The following RAF1 variants were observed in gnomAD, a reference collection of about 807,000 sequenced individuals.
The protein encoded by RAF1 is RAF proto-oncogene serine/threonine-protein kinase.
RAF1 carries 27 observed loss-of-function variants against 81.1 expected under a neutral mutation model. The observed-to-expected ratio is 0.33, with a 90% CI of 0.25 to 0.46. The LOEUF is 0.46. Among genes scored for constraint, RAF1 ranks in the 20% least tolerant of loss-of-function variants. The pLI is 1.00. For missense variants in RAF1, 598 were observed against 826.0 expected (o/e 0.72, Z 3.38); for synonymous variants, 298 against 294.0 (o/e 1.01, Z -0.14).
chr3:12,635,279 ACT>A (rs2059982435), intron 1 of RAF1, among the ~76,000 whole-genome samples: 1 of 126,938 alleles, frequency 7.9e-6, no homozygotes, highest in African/African-American at 3.0e-5. Flanking sequence ...GGATCTTGCC[ACT>A]GTACTCCAGC....
intron 1 of RAF1, among the ~76,000 whole-genome samples, chr3:12,643,304 A>G (rs997196442): frequency 6.6e-6 from 1 of 152,118 alleles, no homozygotes; most frequent in African/African-American, 2.4e-5. Context: ...TCATATCTCA[A>G]TCTACACAAA....
At chr3:12,622,626 G>C (rs1015332364) in intron 1 of RAF1, among the ~76,000 whole-genome samples, 1 of 152,128 alleles carries the variant, frequency 6.6e-6, no homozygotes, top group African/African-American at 2.4e-5. Context: ...TTCATTTTCT[G>C]CATGGTACTT....
intron 1 of RAF1, among the ~76,000 whole-genome samples, chr3:12,635,402 C>G (rs963829767): frequency 7.5e-5 from 11 of 147,576 alleles, no homozygotes; most frequent in African/African-American, 2.7e-4. Flanking sequence ...TTCAGGAGGC[C>G]GAGGTGGGCG....
chr3:12,590,938 C>A lies in RAF1; in HGVS notation c.1290G>T (p.Gly430=). The change falls in exon 13 of 18, where the codon GGG becomes GGT. Residue 430 remains glycine, a synonymous_variant. Coordinates refer to ENST00000442415, the MANE Select transcript of RAF1 (RefSeq NM_001354689.3). ...TTGCCAGGTTGTCCTTTGTCATGTA[C>A]CCCATGAAAAGCAGAATGTTCACAT... The A allele has an allele frequency of 6.2e-7, 1 of 1,612,850 alleles. No individual in the cohort carries two copies. Among genetic ancestry groups the A allele is most frequent in the Non-Finnish European group, 8.5e-7 (1 of 1,178,966 alleles).
At chr3:12,656,688 T>C (rs73132366) in intron 1 of RAF1, among the ~76,000 whole-genome samples, 1,571 of 152,214 alleles carry the variant, frequency 0.01, 21 homozygotes, top group African/African-American at 0.036. Context: ...AACTGAGACA[T>C]AAGACATCTA....
At chr3:12,646,247 C>G (rs1051595556) in intron 1 of RAF1, among the ~76,000 whole-genome samples, 1 of 152,174 alleles carries the variant, frequency 6.6e-6, no homozygotes, top group African/African-American at 2.4e-5. Flanking sequence ...CTCAAGCAAT[C>G]CTCCCACCTC....
intron 15 of RAF1, 36 bp downstream of exon 14, chr3:12,585,645 A>G (rs760676991): frequency 1.3e-6 from 2 of 1,528,558 alleles, no homozygotes; most frequent in South Asian, 2.2e-5. Context: ...CTTTTGCCCT[A>G]TACCAGAGAC....
intron 1 of RAF1, among the ~76,000 whole-genome samples, chr3:12,639,289 G>A (rs1030526222): frequency 2.0e-5 from 3 of 152,156 alleles, no homozygotes; most frequent in Non-Finnish European, 4.4e-5. Context: ...AAAACTGGAA[G>A]CATTCCCTTT....
rs2125332093 is a variant in RAF1, at chr3:12,587,650, A to G, written c.1431-13T>C. 1 of 1,601,294 alleles carries G rather than the reference A, an allele frequency of 6.2e-7. No homozygotes were observed. Among genetic ancestry groups the G allele is most frequent in the Non-Finnish European group, 8.6e-7 (1 of 1,168,292 alleles). The stretch of plus-strand genomic sequence containing the variant: ...TGCATGCAAATAGCTGTGAAGGGAA[A>G]AGAAATTATTAAAAATAAGTTTGAG... On this transcript the variant is annotated splice_polypyrimidine_tract_variant and intron_variant, in intron 13 of 17. Transcript: ENST00000442415.
intron 1 of RAF1, among the ~76,000 whole-genome samples, chr3:12,619,657 T>C (rs2125457136): frequency 6.6e-6 from 1 of 151,912 alleles, no homozygotes; most frequent in African/African-American, 2.4e-5. Context: ...CTCTTCTTCC[T>C]AAGCAACTAC....
Position 12,600,195 on chromosome 3 carries a change from C to T in RAF1, c.1007G>A (p.Arg336Lys). ...GGTCCCAGATACTGGTGCCCGCTCT[C>T]TTTGTGCTGGCACGGGGGTTTTCGG... The change falls in exon 10 of 18, where the codon AGA becomes AAA. Residue 336 changes from arginine to lysine, a missense_variant. Transcript: ENST00000442415. 1 of 1,614,220 alleles carries T rather than the reference C, an allele frequency of 6.2e-7. No individual in the cohort carries two copies. Among genetic ancestry groups the T allele is most frequent in the Admixed American group, 1.7e-5 (1 of 60,020 alleles).
Position 12,590,890 on chromosome 3 carries a change from G to A in RAF1, c.1338C>T (p.Gly446=). The A allele has an allele frequency of 6.2e-7, 1 of 1,612,998 alleles. No homozygotes were observed. The highest frequency in any genetic ancestry group is 8.5e-7 in the Non-Finnish European group (1 of 1,178,968). ...CATGCAGGTGTTTGTAGAGGCTGCT[G>A]CCCTCGCACCACTGGGTCACAATTG... The change falls in exon 13 of 18, where the codon GGC becomes GGT. Residue 446 remains glycine (G), a synonymous_variant. Transcript: ENST00000442415.
chr3:12,586,125 T>TG (rs760993684), intron 14 of RAF1, among the ~76,000 whole-genome samples: 77 of 152,306 alleles, frequency 5.1e-4, no homozygotes, highest in Non-Finnish European at 9.1e-4. Context: ...TACAGGTACT[T>TG]GAAACCCTAA....
chr3:12,636,956 C>A (rs1559471641), intron 1 of RAF1, among the ~76,000 whole-genome samples: 1 of 152,170 alleles, frequency 6.6e-6, no homozygotes, highest in East Asian at 1.9e-4. Flanking sequence ...TGAAATCCAG[C>A]TTCACTACTT....
chr3:12,592,766 C>T (rs2058560215), intron 11 of RAF1, among the ~76,000 whole-genome samples: 2 of 136,264 alleles, frequency 1.5e-5, no homozygotes, highest in South Asian at 4.6e-4. Context: ...GACAGAGTCT[C>T]GCTCAGTCAC....
chr3:12,587,835 A>C (rs987516463), intron 13 of RAF1, 198 bp from the exon 13 acceptor site: 314 of 202,546 alleles, frequency 1.6e-3, no homozygotes, highest in African/African-American at 2.6e-3. Context: ...ACATGCTTAC[A>C]CCTTTTTTTT....
intron 11 of RAF1, among the ~76,000 whole-genome samples, chr3:12,597,602 A>G (rs189122773): frequency 6.6e-6 from 1 of 152,144 alleles, no homozygotes; most frequent in Non-Finnish European, 1.5e-5. Flanking sequence ...AATCCTGGAG[A>G]TATTTATGCC....
chr3:12,611,561 G>A (rs1281012115), intron 3 of RAF1, among the ~76,000 whole-genome samples: 2 of 152,084 alleles, frequency 1.3e-5, no homozygotes, highest in African/African-American at 2.4e-5. Flanking sequence ...TTAGCCGGGC[G>A]CGGTGGTGGG....
intron 11 of RAF1, among the ~76,000 whole-genome samples, chr3:12,592,473 C>A (rs1318665900): frequency 6.6e-6 from 1 of 152,140 alleles, no homozygotes; most frequent in African/African-American, 2.4e-5. Flanking sequence ...CTCTGTTAAT[C>A]CTCACAGCTG....
Sources: gnomAD v4.1 joint callset for allele counts (sites outside exome capture counted in the v4.1 genomes callset) on GRCh38, gnomAD v4.1.1 for gene constraint, MANE v1.5 for transcripts, NCBI Gene and HGNC (gene_info 2026-07-23, HGNC 2026-07-21) for gene names.